The following RAPGEF4 variants were observed in gnomAD, a reference collection of about 807,000 sequenced individuals.
The protein encoded by RAPGEF4 is Rap guanine nucleotide exchange factor 4, also known as RAP guanine-nucleotide-exchange factor (GEF) 4.
In RAPGEF4, 66 loss-of-function variants were observed where a neutral mutation model predicts 147.9. The observed-to-expected ratio is 0.45, with a 90% CI of 0.37 to 0.55. RAPGEF4 has a LOEUF of 0.55. Among genes scored for constraint, RAPGEF4 ranks in the 20% least tolerant of loss-of-function variants. The pLI is 0.00. For missense variants in RAPGEF4, 1,071 were observed against 1,257.3 expected, an observed-to-expected ratio of 0.85 and a Z score of 2.24; for synonymous variants, 419 against 442.7, an observed-to-expected ratio of 0.95 and a Z score of 0.67.
intron 29 of RAPGEF4, among the ~76,000 whole-genome samples, chr2:173,037,195 T>G (rs1684139263): frequency 6.6e-6 from 1 of 152,218 alleles, no homozygotes. Context: ...ATAAAAAGTT[T>G]TTAATCTTGT....
At chr2:172,979,065 C>G (rs1691399802) in intron 10 of RAPGEF4, among the ~76,000 whole-genome samples, 1 of 152,134 alleles carries the variant, frequency 6.6e-6, no homozygotes, top group Non-Finnish European at 1.5e-5. Flanking sequence ...AATCTGTAAT[C>G]CTAAGAAAAA....
At position 173,042,622 on chromosome 2, in the gene RAPGEF4, CAA is replaced by C. The variant is rs10710442; in HGVS notation, c.2853+5940_2853+5941del. Among the ~76,000 whole-genome samples, 3 of 141,668 alleles carry C rather than the reference CAA, an allele frequency of 2.1e-5. No individual in the cohort carries two copies. The highest frequency in any genetic ancestry group is 7.0e-5 in the Admixed American group (1 of 14,358). 92.9% of individuals were successfully genotyped at this position (141,668 alleles called of 152,430 possible). ...TGGGCAATAGAGTAAGACTCCAAAT[CAA>C]AAAAAAAAAGGGAAAGAAAATTGGA... On this transcript the variant is annotated intron_variant, in intron 29 of 30. Transcript: ENST00000397081. The surrounding 1 kb of genome is among the most constrained non-coding windows in gnomAD (Gnocchi z 4.2).
chr2:172,983,385 T>C (rs570332952), intron 10 of RAPGEF4, 111 bp from the exon 11 acceptor site: 74 of 1,505,628 alleles, frequency 4.9e-5, no homozygotes, highest in Middle Eastern at 3.6e-4. Flanking sequence ...CAATATCTTC[T>C]TGTGCAGAAG....
In RAPGEF4 at chr2:172,736,082, C is replaced by G. The variant is rs746787320; in HGVS notation, c.65+34C>G. 6.9e-6 allele frequency: 10 copies of G among 1,440,050 alleles called. 2 individuals carry two copies. Among genetic ancestry groups the G allele is most frequent in the Middle Eastern group, 2.5e-4 (1 of 4,058 alleles). The allele number at this position is 1,440,050 out of a possible 1,614,324, so 89.2% of individuals were successfully genotyped here. A position where few individuals can be genotyped will look rare whatever the true frequency, so the allele number is the denominator to read the frequency against. ...CCGGGGGCCGCAGCCGGGGGCCGAG[C>G]TCTGCGGTGCTGCCCGGGCCCTGAG... On this transcript the variant is annotated intron_variant, in intron 1 of 30. Coordinates refer to ENST00000397081, the MANE Select transcript of RAPGEF4 (RefSeq NM_007023.4).
chr2:172,989,601 C>T (rs541716264), intron 14 of RAPGEF4, among the ~76,000 whole-genome samples: 182 of 152,254 alleles, frequency 1.2e-3, no homozygotes, highest in African/African-American at 4.3e-3. Flanking sequence ...TCCCTTGTCC[C>T]TGGGAGGGAT....
At chr2:172,846,025 C>T (rs540133917) in intron 4 of RAPGEF4, among the ~76,000 whole-genome samples, 2 of 152,326 alleles carry the variant, frequency 1.3e-5, no homozygotes, top group East Asian at 3.9e-4. Context: ...AAACCCTCCT[C>T]ACCGCAGCAG....
At chr2:172,789,729 G>A (rs920450581) in intron 1 of RAPGEF4, among the ~76,000 whole-genome samples, 2 of 152,136 alleles carry the variant, frequency 1.3e-5, no homozygotes, top group Non-Finnish European at 2.9e-5. Flanking sequence ...TCTAAGACTG[G>A]TTTATTTCGC....
intron 4 of RAPGEF4, among the ~76,000 whole-genome samples, chr2:172,912,893 CTTTTTT>C (rs35223351): frequency 2.2e-5 from 2 of 92,562 alleles, no homozygotes; most frequent in African/African-American, 4.2e-5. Flanking sequence ...CTCCCTCACT[CTTTTTT>C]TTTTTTTTTT....
chr2:173,003,739 G>A (rs1694180500), intron 17 of RAPGEF4, among the ~76,000 whole-genome samples: 1 of 151,134 alleles, frequency 6.6e-6, no homozygotes. Context: ...TTATTTGAAA[G>A]CTTGTTTAAA....
intron 4 of RAPGEF4, among the ~76,000 whole-genome samples, chr2:172,866,769 T>C (rs1312808937): frequency 6.6e-6 from 1 of 152,088 alleles, no homozygotes; most frequent in Non-Finnish European, 1.5e-5. Flanking sequence ...CTCTCAAACA[T>C]GTTCTATCAC....
At chr2:172,794,709 A>G (rs1232393429) in intron 1 of RAPGEF4, among the ~76,000 whole-genome samples, 1 of 152,120 alleles carries the variant, frequency 6.6e-6, no homozygotes, top group African/African-American at 2.4e-5. Flanking sequence ...TTTTAGTAGA[A>G]TCTGCATTTT....
intron 17 of RAPGEF4, among the ~76,000 whole-genome samples, chr2:173,008,445 G>A (rs181774529): frequency 6.6e-5 from 10 of 152,164 alleles, no homozygotes; most frequent in Non-Finnish European, 1.2e-4. Flanking sequence ...AGAGGAATAT[G>A]GCATGTTATA....
intron 1 of RAPGEF4, among the ~76,000 whole-genome samples, chr2:172,750,227 T>C (rs1448614803): frequency 6.6e-6 from 1 of 152,068 alleles, no homozygotes; most frequent in Admixed American, 6.5e-5. Flanking sequence ...ATTTACTGTA[T>C]TAGTCTCTGT....
chr2:173,036,636 T>C lies in RAPGEF4; in HGVS notation c.2797T>C (p.Phe933Leu), dbSNP rs768846849. 2.5e-6 allele frequency: 4 copies of C among 1,609,470 alleles called. No homozygotes were observed. The highest frequency in any genetic ancestry group is 3.4e-6 in the Non-Finnish European group (4 of 1,177,166). ...CTTTTATTTCTTTACAGATATGACA[T>C]TTACTCATGAGGGGAACAAGACGTT... ...FMPLLIKDMT[F>L]THEGNKTFID... Residue 933 changes from phenylalanine (F) to leucine (L), a missense_variant, in exon 29 of 31, where the codon TTT becomes CTT. Coordinates refer to ENST00000397081, the MANE Select transcript of RAPGEF4 (RefSeq NM_007023.4).
chr2:172,897,577 T>C (rs553483266), intron 4 of RAPGEF4, among the ~76,000 whole-genome samples: 1 of 151,630 alleles, frequency 6.6e-6, no homozygotes, highest in African/African-American at 2.4e-5. Context: ...TTTTTAATTT[T>C]TTTTTGTAGA....
chr2:172,960,715 A>T, intron 6 of RAPGEF4, 45 bp from the exon 7 acceptor site: 1 of 1,444,136 alleles, frequency 6.9e-7, no homozygotes, highest in East Asian at 2.3e-5. Flanking sequence ...TTCTTCAGTG[A>T]ACTTTTTGTT....
intron 1 of RAPGEF4, among the ~76,000 whole-genome samples, chr2:172,739,385 T>G (rs188464090): frequency 2.0e-4 from 30 of 149,188 alleles, no homozygotes; most frequent in Non-Finnish European, 4.2e-4. Context: ...TTGTTTTTGT[T>G]TTTTGAGATG....
intron 12 of RAPGEF4, among the ~76,000 whole-genome samples, chr2:172,986,758 A>G (rs904442522): frequency 1.8e-4 from 28 of 151,784 alleles, no homozygotes; most frequent in Non-Finnish European, 2.9e-4. Flanking sequence ...CAGTGGCACA[A>G]CCTTGGCTCA....
intron 6 of RAPGEF4, among the ~76,000 whole-genome samples, chr2:172,943,559 G>A (rs761713800): frequency 6.6e-6 from 1 of 152,166 alleles, no homozygotes; most frequent in East Asian, 1.9e-4. Flanking sequence ...GCCTGGAATA[G>A]TCTCTTATAG....
Sources: allele counts gnomAD v4.1 joint callset (sites outside exome capture counted in the v4.1 genomes callset), GRCh38; gene constraint gnomAD v4.1.1; non-coding constraint Gnocchi (gnomAD v3.1); transcripts MANE v1.5; gene names NCBI Gene and HGNC (gene_info 2026-07-23, HGNC 2026-07-21).